NPAS3: variants seen among roughly 807,000 people sequenced by gnomAD.
The protein encoded by NPAS3 is neuronal PAS domain protein 3.
A neutral mutation model predicts 73.1 loss-of-function variants in NPAS3; 14 were observed. The ratio of observed to expected loss-of-function variants is 0.19; its 90% CI spans 0.13 to 0.30. The LOEUF is 0.30. Ranked by LOEUF, NPAS3 falls within the 10% of genes least tolerant of loss-of-function variation. The probability of loss-of-function intolerance (pLI) is 1.00; values close to 1 mark genes in which losing one functional copy is unlikely to be tolerated. For synonymous variants in NPAS3, 620 were observed against 541.5 expected (o/e 1.14, Z -2.01); for missense variants, 1,096 against 1,250.0 (o/e 0.88, Z 1.86).
At chr14:33,140,594 G>A (rs1176269134) in intron 2 of NPAS3, among the ~76,000 whole-genome samples, 6 of 152,020 alleles carry the variant, frequency 3.9e-5, no homozygotes, top group Non-Finnish European at 7.4e-5. Context: ...ATGCTTCACC[G>A]TGTCATTTCC....
At chr14:33,364,339 T>G (rs184483529) in intron 3 of NPAS3, among the ~76,000 whole-genome samples, 2 of 152,292 alleles carry the variant, frequency 1.3e-5, no homozygotes, top group Non-Finnish European at 2.9e-5. Flanking sequence ...ATGCCAAATG[T>G]GATAGGATAA....
intron 1 of NPAS3, among the ~76,000 whole-genome samples, chr14:32,967,885 A>G (rs1026411540): frequency 6.7e-6 from 1 of 149,046 alleles, no homozygotes; most frequent in Non-Finnish European, 1.5e-5. Context: ...ATCATTGTGT[A>G]TCATTGCAAT....
rs184997694 is a variant in NPAS3, at chr14:33,683,459, G to A, written c.733+7074G>A. Among the ~76,000 whole-genome samples the A allele has an allele frequency of 3.8e-3, 535 of 139,842 alleles. 3 individuals are homozygous for A. The highest frequency in any genetic ancestry group is 0.012 in the African/African-American group (473 of 37,908). The allele number at this position is 139,842 out of a possible 152,430, so 91.7% of individuals were successfully genotyped here. A position where few individuals can be genotyped will look rare whatever the true frequency, so the allele number is the denominator to read the frequency against. ...AAAAAAAAAAAAAAAAAAGGTGGCC[G>A]TCTCTGTCATTGGATAATTAAAAAT... On this transcript the variant is annotated intron_variant, in intron 6 of 11. Transcript: ENST00000356141.
intron 6 of NPAS3, among the ~76,000 whole-genome samples, chr14:33,725,143 G>C (rs931654829): frequency 2.0e-5 from 3 of 152,068 alleles, no homozygotes; most frequent in African/African-American, 7.2e-5. Flanking sequence ...TCTAATAAAA[G>C]TATGGTTATT....
intron 1 of NPAS3, among the ~76,000 whole-genome samples, chr14:33,016,016 A>G (rs924080115): frequency 4.6e-5 from 7 of 152,168 alleles, no homozygotes; most frequent in Admixed American, 2.0e-4. Context: ...TTGTAAAACT[A>G]TCAGTCGTGT....
intron 5 of NPAS3, among the ~76,000 whole-genome samples, chr14:33,638,139 T>A (rs2058576492): frequency 6.6e-6 from 1 of 152,242 alleles, no homozygotes; most frequent in African/African-American, 2.4e-5. Flanking sequence ...TATTGGACAT[T>A]TCAGCATACC....
chr14:33,276,585 G>A (rs960417728), intron 3 of NPAS3, among the ~76,000 whole-genome samples: 15 of 152,036 alleles, frequency 9.9e-5, no homozygotes, highest in African/African-American at 3.6e-4. Context: ...TCCTAACTCT[G>A]AGATCCTAAA....
chr14:33,180,360 C>T (rs182714333), intron 2 of NPAS3, among the ~76,000 whole-genome samples: 136 of 135,776 alleles, frequency 1.0e-3, no homozygotes, highest in African/African-American at 3.3e-3. Context: ...ATCACTGCAC[C>T]ATTCTGTTAA....
At chr14:33,093,505 T>G (rs7494498) in intron 2 of NPAS3, among the ~76,000 whole-genome samples, 8,240 of 152,294 alleles carry the variant, frequency 0.054, 278 homozygotes, top group Middle Eastern at 0.11. Context: ...ACGGGAACAC[T>G]TTTACATTGT....
At chr14:33,563,987 A>T (rs1403503029) in intron 5 of NPAS3, among the ~76,000 whole-genome samples, 2 of 152,232 alleles carry the variant, frequency 1.3e-5, no homozygotes, top group East Asian at 3.8e-4. Flanking sequence ...TTGATACAGG[A>T]TTTAAAGCTT....
rs182825019 is a variant in NPAS3 at position 33,026,232 on chromosome 14, G to A, written c.51-29673G>A. On this transcript the variant is annotated intron_variant, in intron 1 of 11. Transcript: ENST00000356141. ...TCTTCTGGCTGGCCCCAATTCAACT[G>A]TCAGGTCCCAGCCTAGATGCCACTT... is the stretch of plus-strand genomic sequence containing the variant. Among the ~76,000 whole-genome samples, 238 of 152,290 alleles carry A rather than the reference G, an allele frequency of 1.6e-3. 3 individuals are homozygous for A. The highest frequency in any genetic ancestry group is 3.4e-3 in the Middle Eastern group (1 of 294).
At chr14:33,125,377 G>A (rs552745353) in intron 2 of NPAS3, among the ~76,000 whole-genome samples, 24 of 152,124 alleles carry the variant, frequency 1.6e-4, no homozygotes, top group African/African-American at 5.8e-4. Context: ...AGGAGTCGAG[G>A]AAATGATGGG....
intron 4 of NPAS3, among the ~76,000 whole-genome samples, chr14:33,504,039 C>T (rs1360862994): frequency 2.0e-5 from 3 of 151,966 alleles, no homozygotes; most frequent in Non-Finnish European, 4.4e-5. Flanking sequence ...TGCAAAACTA[C>T]AATTACTGAC....
Position 33,459,169 on chromosome 14 carries a change from ATTTTGG to A in NPAS3, c.468+91909_468+91914del, listed in dbSNP as rs539082012. 3.5e-4 allele frequency among the ~76,000 whole-genome samples: 53 copies of A among 152,204 alleles called. 2 individuals carry two copies. The South Asian group carries it at 0.011, about 30-fold the overall frequency. On this transcript the variant is annotated intron_variant, in intron 4 of 11. Transcript: ENST00000356141. ...ACGACCAGAGGTCACTCTTGTTGCC[ATTTTGG>A]TTTTGGTGGGTTTTGGCCGGCTTCT...
intron 5 of NPAS3, among the ~76,000 whole-genome samples, chr14:33,666,541 A>G (rs1354809156): frequency 6.6e-6 from 1 of 152,226 alleles, no homozygotes; most frequent in African/African-American, 2.4e-5. Flanking sequence ...CTGGGAGCCC[A>G]TGCTGCATTT....
chr14:33,296,220 T>C (rs931576106), intron 3 of NPAS3, among the ~76,000 whole-genome samples: 3 of 152,214 alleles, frequency 2.0e-5, no homozygotes, highest in African/African-American at 7.2e-5. Context: ...TTAAATTTAA[T>C]TCCTATAAGA....
chr14:33,309,480 A>T (rs1328820738), intron 3 of NPAS3, among the ~76,000 whole-genome samples: 4 of 152,132 alleles, frequency 2.6e-5, no homozygotes, highest in African/African-American at 9.7e-5. Flanking sequence ...GGGCTGTGCG[A>T]CTCTGCTGCG....
At chr14:33,239,643 A>G (rs999440714) in intron 3 of NPAS3, among the ~76,000 whole-genome samples, 30 of 151,936 alleles carry the variant, frequency 2.0e-4, no homozygotes, top group African/African-American at 7.2e-4. Flanking sequence ...TATTTTCAAC[A>G]CTTGAGGGAT....
chr14:32,999,082 T>C (rs1245090806), intron 1 of NPAS3, among the ~76,000 whole-genome samples: 1 of 152,210 alleles, frequency 6.6e-6, no homozygotes, highest in East Asian at 1.9e-4. Context: ...TAAACAGTCA[T>C]TTAGTTTTTT....
Sources: gnomAD v4.1 joint callset for allele counts (sites outside exome capture counted in the v4.1 genomes callset) on GRCh38, gnomAD v4.1.1 for gene constraint, MANE v1.5 for transcripts, NCBI Gene and HGNC (gene_info 2026-07-23, HGNC 2026-07-21) for gene names.